RUNX1: variants seen among roughly 807,000 people sequenced by gnomAD.
The protein encoded by RUNX1 is RUNX family transcription factor 1, also known as runt-related transcription factor 1.
RUNX1 carries 19 observed loss-of-function variants against 42.8 expected under a neutral mutation model. The ratio of observed to expected loss-of-function variants is 0.44; its 90% CI spans 0.31 to 0.65. The LOEUF (loss-of-function observed/expected upper bound fraction) is 0.65, where lower values mean the gene tolerates loss of function less well. RUNX1 is among the 30% of genes least tolerant of loss of function. The pLI is 0.07. For missense variants in RUNX1, 528 were observed against 672.0 expected, an observed-to-expected ratio of 0.79 and a Z score of 2.37; for synonymous variants, 271 against 289.4, an observed-to-expected ratio of 0.94 and a Z score of 0.64.
chr21:34,792,104 C>G lies in RUNX1; in HGVS notation c.*31G>C, dbSNP rs780811005. ...GCGCCCGGAGGCGAAGGCGGCGGCC[C>G]GCGGGGCCCAGCCGGGCCAGGCCTG... On this transcript the variant is annotated 3_prime_UTR_variant, in exon 9 of 9. Transcript: ENST00000675419. The surrounding 1 kb of genome is among the most constrained non-coding windows in gnomAD (Gnocchi z 6.9). 1.8e-5 allele frequency: 24 copies of G among 1,321,756 alleles called. No homozygotes were observed. The highest frequency in any genetic ancestry group is 2.1e-5 in the Non-Finnish European group (22 of 1,035,598). The allele number at this position is 1,321,756 out of a possible 1,614,324, so 81.9% of individuals were successfully genotyped here.
intron 4 of RUNX1, among the ~76,000 whole-genome samples, chr21:34,884,939 A>G (rs2057959060): frequency 6.6e-6 from 1 of 152,220 alleles, no homozygotes; most frequent in Non-Finnish European, 1.5e-5. Context: ...TTTAAAAAGG[A>G]AACTCTATGG....
chr21:34,800,032 C>T (rs1357663444), intron 7 of RUNX1, among the ~76,000 whole-genome samples: 1 of 152,104 alleles, frequency 6.6e-6, no homozygotes, highest in East Asian at 1.9e-4. Context: ...GCTGGGAAAC[C>T]GGCAATGAGG....
chr21:34,896,844 G>A (rs370402100), intron 2 of RUNX1, among the ~76,000 whole-genome samples: 1 of 152,202 alleles, frequency 6.6e-6, no homozygotes, highest in Non-Finnish European at 1.5e-5. Flanking sequence ...AGGAGCTTCA[G>A]TTGAGTGGCA....
chr21:34,947,869 C>T (rs1227021666), intron 2 of RUNX1, among the ~76,000 whole-genome samples: 1 of 152,120 alleles, frequency 6.6e-6, no homozygotes, highest in African/African-American at 2.4e-5. Flanking sequence ...TGGGATGTTG[C>T]TAACATTTGG....
At chr21:34,801,390 A>G (rs1249439016) in intron 7 of RUNX1, among the ~76,000 whole-genome samples, 2 of 152,216 alleles carry the variant, frequency 1.3e-5, no homozygotes, top group Non-Finnish European at 2.9e-5. Context: ...TACTGTAGTG[A>G]AAAAGTCGTG....
rs143771469 is a variant in RUNX1 at position 34,903,917 on chromosome 21, C to G, written c.59-10954G>C. On this transcript the variant is annotated intron_variant, in intron 2 of 8. Coordinates refer to ENST00000675419, the MANE Select transcript of RUNX1 (RefSeq NM_001754.5). ...CAACAATAGAAGTAATAATCCTATT[C>G]TCTAATTACGTAATTATATTTTCTA... Among the ~76,000 whole-genome samples, 76 of 152,206 alleles carry G rather than the reference C, an allele frequency of 5.0e-4. No homozygotes were observed. In the South Asian group the frequency reaches 7.7e-3, roughly 15 times the overall value.
At chr21:35,010,340 T>C (rs1481439712) in intron 2 of RUNX1, among the ~76,000 whole-genome samples, 4 of 152,074 alleles carry the variant, frequency 2.6e-5, no homozygotes, top group Non-Finnish European at 4.4e-5. Context: ...ATTACACTCC[T>C]TTTTTTAAAA....
chr21:34,993,742 G>GAC (rs1326816336), intron 2 of RUNX1, among the ~76,000 whole-genome samples: 1 of 55,680 alleles, frequency 1.8e-5, no homozygotes, highest in Non-Finnish European at 3.3e-5. Flanking sequence ...GACACACAGA[G>GAC]ACACACACAC....
At chr21:34,952,807 G>T (rs924038939) in intron 2 of RUNX1, among the ~76,000 whole-genome samples, 2 of 152,134 alleles carry the variant, frequency 1.3e-5, no homozygotes, top group Non-Finnish European at 2.9e-5. Flanking sequence ...TGTTAGGCAG[G>T]TCTTTTGTTT....
chr21:34,860,531 G>A (rs985155621), intron 5 of RUNX1, among the ~76,000 whole-genome samples: 9 of 40,698 alleles, frequency 2.2e-4, no homozygotes, highest in Admixed American at 3.4e-4. Flanking sequence ...GTGTCTGTGC[G>A]TGTGTGTGTG....
intron 6 of RUNX1, among the ~76,000 whole-genome samples, chr21:34,840,602 C>CT (rs34375325): frequency 1.1e-4 from 10 of 91,992 alleles, no homozygotes; most frequent in African/African-American, 4.5e-4. Flanking sequence ...TCCCTTTTGT[C>CT]TTTTTTCAGG....
chr21:34,818,168 G>A (rs2056856761), intron 7 of RUNX1, among the ~76,000 whole-genome samples: 1 of 152,204 alleles, frequency 6.6e-6, no homozygotes, highest in Non-Finnish European at 1.5e-5. Flanking sequence ...GGGTGGGGTG[G>A]GGGCTGCGCC....
At chr21:35,031,661 ATATACACAATGGAGTACTATTAAGCCTT>A in intron 2 of RUNX1, among the ~76,000 whole-genome samples, 1 of 152,328 alleles carries the variant, frequency 6.6e-6, no homozygotes, top group South Asian at 2.1e-4. Context: ...TGTGATGAAT[ATATACACAATGGAGTACTATTAAGCCTT>A]AAAAAAGATA....
At chr21:35,007,173 T>C (rs1601664856) in intron 2 of RUNX1, among the ~76,000 whole-genome samples, 1 of 152,200 alleles carries the variant, frequency 6.6e-6, no homozygotes, top group Non-Finnish European at 1.5e-5. Context: ...TTGGCTATAG[T>C]GGGTTAAAAA....
At chr21:34,973,791 T>C (rs2058779640) in intron 2 of RUNX1, among the ~76,000 whole-genome samples, 1 of 152,222 alleles carries the variant, frequency 6.6e-6, no homozygotes, top group South Asian at 2.1e-4. Flanking sequence ...TTTTAATCCT[T>C]TCTACTATTG....
intron 2 of RUNX1, among the ~76,000 whole-genome samples, chr21:34,947,490 A>G (rs909620855): frequency 6.6e-6 from 1 of 152,212 alleles, no homozygotes; most frequent in Non-Finnish European, 1.5e-5. Flanking sequence ...ATACATGTGA[A>G]TATGCTACAA....
intron 6 of RUNX1, among the ~76,000 whole-genome samples, chr21:34,837,396 A>G (rs1227456776): frequency 6.6e-6 from 1 of 152,216 alleles, no homozygotes; most frequent in Non-Finnish European, 1.5e-5. Flanking sequence ...TATCATATTC[A>G]GGGTGTGGTT....
At chr21:34,828,028 C>T (rs923614665) in intron 7 of RUNX1, among the ~76,000 whole-genome samples, 1 of 152,222 alleles carries the variant, frequency 6.6e-6, no homozygotes, top group East Asian at 1.9e-4. Flanking sequence ...TCCCTGAGAA[C>T]CCAGAACTGC....
At position 34,791,938 on chromosome 21, in the gene RUNX1, C is replaced by A. The variant is rs1416922766; in HGVS notation, c.*197G>T. ...GGGCCGGGGCGCCAGCAGACGGCGG[C>A]GGCGTGGGCTTCTGGGCGCAGGAGG... On this transcript the variant is annotated 3_prime_UTR_variant, in exon 9 of 9. Transcript: ENST00000675419. 1 of 349,246 alleles carries A rather than the reference C, an allele frequency of 2.9e-6. No homozygotes were observed. The highest frequency in any genetic ancestry group is 5.4e-6 in the Non-Finnish European group (1 of 186,454). 21.6% of individuals were successfully genotyped at this position (349,246 alleles called of 1,614,324 possible).
Sources: gnomAD v4.1 joint callset for allele counts (sites outside exome capture counted in the v4.1 genomes callset) on GRCh38, gnomAD v4.1.1 for gene constraint, Gnocchi (gnomAD v3.1) non-coding constraint, MANE v1.5 for transcripts, NCBI Gene and HGNC (gene_info 2026-07-23, HGNC 2026-07-21) for gene names.